The following PSMC1 variants were observed in gnomAD, a reference collection of about 807,000 sequenced individuals.
PSMC1 encodes the protein proteasome 26S subunit, ATPase 1.
A neutral mutation model predicts 49.8 loss-of-function variants in PSMC1; 5 were observed. The ratio of observed to expected loss-of-function variants is 0.10; its 90% confidence interval spans 0.05 to 0.21. The LOEUF (loss-of-function observed/expected upper bound fraction) is 0.21, where lower values mean the gene tolerates loss of function less well. Ranked by LOEUF, PSMC1 falls within the 10% of genes least tolerant of loss-of-function variation. The pLI is 1.00. For synonymous variants in PSMC1, 155 were observed against 192.1 expected, an observed-to-expected ratio of 0.81 and a Z score of 1.60; for missense variants, 181 against 535.7, an observed-to-expected ratio of 0.34 and a Z score of 6.54.
At chr14:90,260,031 T>C (rs181470314) in intron 2 of PSMC1, 84 bp from the exon 3 acceptor site, 323 of 806,206 alleles carry the variant, frequency 4.0e-4, no homozygotes, top group African/African-American at 4.0e-3. Context: ...CACCTGAAAA[T>C]AGATGATGGT....
intron 2 of PSMC1, 123 bp from the exon 3 acceptor site, chr14:90,259,992 A>C: frequency 1.8e-6 from 1 of 559,308 alleles, no homozygotes; most frequent in Non-Finnish European, 3.0e-6. Context: ...GGTTTTTAAT[A>C]ACATCCTAAA....
At chr14:90,271,994 G>T in intron 10 of PSMC1, 1 of 258,498 alleles carries the variant, frequency 3.9e-6, no homozygotes, top group Non-Finnish European at 7.6e-6. Context: ...CCGGGTTCAA[G>T]CAATTCTCCT....
In PSMC1 at chr14:90,272,967, C is replaced by A. The variant is rs946173514; in HGVS notation, c.*560C>A. Reference sequence around the variant, plus strand: ...GGGCAGAAAATAACTACTGGTGTTCCCAAGAGACTGAGGATTCCTAGAGAT... The same window carrying A: ...GGGCAGAAAATAACTACTGGTGTTCACAAGAGACTGAGGATTCCTAGAGAT... On this transcript the variant is annotated 3_prime_UTR_variant, in exon 11 of 11. Coordinates refer to ENST00000261303, the MANE Select transcript of PSMC1 (RefSeq NM_002802.3). The surrounding 1 kb of genome is among the most constrained non-coding windows in gnomAD (Gnocchi z 4.5). The A allele has an allele frequency of 6.6e-6, 1 of 152,172 alleles. No individual in the cohort carries two copies. Among genetic ancestry groups the A allele is most frequent in the Non-Finnish European group, 1.5e-5 (1 of 68,048 alleles). The allele number at this position is 152,172 out of a possible 1,614,324, so 9.4% of individuals were successfully genotyped here.
intron 1 of PSMC1, among the ~76,000 whole-genome samples, chr14:90,258,218 T>A (rs957861333): frequency 4.6e-5 from 7 of 152,170 alleles, no homozygotes; most frequent in African/African-American, 1.4e-4. Flanking sequence ...GAGGGGGTAA[T>A]GATGGTACCA....
rs1431313919 is a variant in PSMC1, at chr14:90,273,445, C to A, written c.*1038C>A. 6.6e-6 allele frequency: 1 copy of A among 152,216 alleles called. No individual in the cohort carries two copies. Among genetic ancestry groups the A allele is most frequent in the African/African-American group, 2.4e-5 (1 of 41,426 alleles). The allele number at this position is 152,216 out of a possible 1,614,324, so 9.4% of individuals were successfully genotyped here. Reference sequence around the variant, plus strand: ...TGGTGGCAGGTGCCTGTAGTCCCAGCTACTCAGGAGGCTGAGGCAGGACAA... The same window carrying A: ...TGGTGGCAGGTGCCTGTAGTCCCAGATACTCAGGAGGCTGAGGCAGGACAA... On this transcript the variant is annotated 3_prime_UTR_variant, in exon 11 of 11. Coordinates refer to ENST00000261303, the MANE Select transcript of PSMC1 (RefSeq NM_002802.3).
At chr14:90,270,830 A>G (rs1891641936) in intron 10 of PSMC1, 1 of 152,422 alleles carries the variant, frequency 6.6e-6, no homozygotes, top group Non-Finnish European at 1.5e-5. Flanking sequence ...ACCAGAATTT[A>G]CAGCAAGGTC....
chr14:90,265,456 A>C (rs946581669), intron 7 of PSMC1, among the ~76,000 whole-genome samples: 9 of 151,936 alleles, frequency 5.9e-5, no homozygotes, highest in African/African-American at 1.2e-4. Flanking sequence ...TTTGGGAGGC[A>C]GAGGCGGGTG....
Position 90,270,208 on chromosome 14 carries a change from C to T in PSMC1, c.1044C>T (p.Asp348=), listed in dbSNP as rs1217353583. 2 of 1,613,426 alleles carry T rather than the reference C, an allele frequency of 1.2e-6. No homozygotes were observed. The highest frequency in any genetic ancestry group is 1.7e-6 in the Non-Finnish European group (2 of 1,179,740). Residue 348 remains aspartate (D), a synonymous_variant, in exon 10 of 11, where the codon GAC becomes GAT. Coordinates refer to ENST00000261303, the MANE Select transcript of PSMC1 (RefSeq NM_002802.3). ...DPALIRPGRI[D]RKIEFPLPDE... ...TCTTTGTACCTGCAGGCCGCATTGA[C>T]AGGAAGATTGAGTTCCCCCTGCCTG...
chr14:90,269,525 T>C lies in PSMC1; in HGVS notation c.1010T>C (p.Leu337Ser). 1 of 1,614,118 alleles carries C rather than the reference T, an allele frequency of 6.2e-7. No individual in the cohort carries two copies. Among genetic ancestry groups the C allele is most frequent in the Non-Finnish European group, 8.5e-7 (1 of 1,180,002 alleles). ...ATGGCCACAAACCGAATAGAAACTT[T>C]GGATCCAGCACTTATCAGACCAGGT... The part of the protein sequence containing the change: ...VIMATNRIET[L>S]DPALIRPGRI... The change falls in exon 9 of 11, where the codon TTG (leucine) becomes TCG (serine). Residue 337 changes from leucine to serine, a missense_variant. Transcript: ENST00000261303.
intron 8 of PSMC1, chr14:90,269,045 TC>T: frequency 5.7e-6 from 1 of 175,718 alleles, no homozygotes; most frequent in Non-Finnish European, 1.2e-5. Flanking sequence ...CTACACTAGT[TC>T]CCTGCAGCAT....
In PSMC1 at chr14:90,263,352, G is replaced by A. The variant is rs1205515045; in HGVS notation, c.189G>A (p.Leu63=). The part of the protein sequence containing the change: ...TPHTQCRLKL[L]KLERIKDYLL... ...ACACTCAGTGCCGGTTAAAATTACTGAAGTTAGAGAGAATTAAAGACTATC... is the reference window on the plus strand; with the variant it reads ...ACACTCAGTGCCGGTTAAAATTACTAAAGTTAGAGAGAATTAAAGACTATC... The change falls in exon 4 of 11, where the codon CTG becomes CTA. Residue 63 remains leucine (L), a synonymous_variant. Coordinates refer to ENST00000261303, the MANE Select transcript of PSMC1 (RefSeq NM_002802.3). 1 of 1,592,802 alleles carries A rather than the reference G, an allele frequency of 6.3e-7. No homozygotes were observed. Among genetic ancestry groups the A allele is most frequent in the Admixed American group, 1.8e-5 (1 of 55,384 alleles).
chr14:90,257,647 C>T (rs1321598606), intron 1 of PSMC1, among the ~76,000 whole-genome samples: 1 of 152,138 alleles, frequency 6.6e-6, no homozygotes, highest in East Asian at 1.9e-4. Flanking sequence ...CTTGGTCTGT[C>T]GTCCAGGCTG....
chr14:90,256,680 G>A, intron 1 of PSMC1, 80 bp downstream of exon 1: 1 of 1,547,372 alleles, frequency 6.5e-7, no homozygotes, highest in Non-Finnish European at 8.8e-7. Flanking sequence ...GAAAGAGGCG[G>A]CTGCCCGAGG....
intron 9 of PSMC1, chr14:90,269,835 C>T (rs895509819): frequency 1.5e-5 from 6 of 397,516 alleles, no homozygotes; most frequent in Non-Finnish European, 2.7e-5. Context: ...AGAAATAATT[C>T]ATGTGATGGT....
Position 90,260,182 on chromosome 14 carries a change from G to A in PSMC1, c.125G>A (p.Gly42Glu). The A allele has an allele frequency of 6.2e-7, 1 of 1,611,982 alleles. No homozygotes were observed. ...GGGAAAAAGAAGAAGAAAACAAAGG[G>A]ACCAGATGCTGCCAGCAAACTGCCA... ...RVGKKKKKTK[G>E]PDAASKLPLV... Residue 42 changes from glycine (G) to glutamate (E), a missense_variant, in exon 3 of 11, where the codon GGA (glycine) becomes GAA (glutamate). Transcript: ENST00000261303.
At chr14:90,258,020 A>T (rs1891328818) in intron 1 of PSMC1, among the ~76,000 whole-genome samples, 1 of 152,214 alleles carries the variant, frequency 6.6e-6, no homozygotes, top group South Asian at 2.1e-4. Flanking sequence ...TAAGGAAGAA[A>T]TGGAAACACA....
At chr14:90,271,915 G>A (rs1283317643) in intron 10 of PSMC1, 1 of 147,230 alleles carries the variant, frequency 6.8e-6, no homozygotes, top group Non-Finnish European at 1.5e-5. Flanking sequence ...TTTTTTTGAG[G>A]TAGAGTTTCG....
Position 90,269,659 on chromosome 14 carries a change from A to G in PSMC1, c.1033+111A>G, listed in dbSNP as rs1047601916. On this transcript the variant is annotated intron_variant, in intron 9 of 10. Coordinates refer to ENST00000261303, the MANE Select transcript of PSMC1 (RefSeq NM_002802.3). ...ACATAAAAAAGCAAATACTGCAGTG[A>G]AACTTAGGATAATTTACAAAAAAAT... is the stretch of plus-strand genomic sequence containing the variant. The G allele has an allele frequency of 1.1e-5, 13 of 1,233,664 alleles. No homozygotes were observed. The African/African-American group carries it at 2.0e-4, about 19-fold the overall frequency. The allele number at this position is 1,233,664 out of a possible 1,614,324, so 76.4% of individuals were successfully genotyped here. A position where few individuals can be genotyped will look rare whatever the true frequency, so the allele number is the denominator to read the frequency against.
chr14:90,262,098 A>G (rs2139644025), intron 3 of PSMC1, among the ~76,000 whole-genome samples: 1 of 142,326 alleles, frequency 7.0e-6, no homozygotes, highest in East Asian at 2.1e-4. Context: ...GAATTGAACA[A>G]TGAGAATACT....
Sources: gnomAD v4.1 joint callset for allele counts (sites outside exome capture counted in the v4.1 genomes callset) on GRCh38, gnomAD v4.1.1 for gene constraint, Gnocchi (gnomAD v3.1) non-coding constraint, MANE v1.5 for transcripts, NCBI Gene and HGNC (gene_info 2026-07-23, HGNC 2026-07-21) for gene names.